SARM1: variants seen among roughly 807,000 people sequenced by gnomAD.
SARM1 encodes sterile alpha and TIR motif containing 1.
In SARM1, 60 loss-of-function variants were observed where a neutral mutation model predicts 65.1. The ratio of observed to expected loss-of-function variants is 0.92; its 90% CI spans 0.75 to 1.14. SARM1 has a LOEUF of 1.14. SARM1 is among the 50% of genes most tolerant of loss of function. The probability of loss-of-function intolerance (pLI) is 0.00; values close to 1 mark genes in which losing one functional copy is unlikely to be tolerated. For synonymous variants in SARM1, 417 were observed against 465.4 expected (o/e 0.90, Z 1.34); for missense variants, 913 against 1,015.7 (o/e 0.90, Z 1.37).
At chr17:28,377,140 T>C (rs1350179787) in intron 1 of SARM1, among the ~76,000 whole-genome samples, 2 of 152,230 alleles carry the variant, frequency 1.3e-5, no homozygotes, top group African/African-American at 4.8e-5. Context: ...TAGGCATTTA[T>C]GCAGTCAGAT....
intron 1 of SARM1, among the ~76,000 whole-genome samples, chr17:28,380,057 C>CTTTTT (rs61029083): frequency 3.8e-5 from 4 of 106,092 alleles, no homozygotes; most frequent in Admixed American, 1.1e-4. Flanking sequence ...TTTTTCTTTT[C>CTTTTT]TTTTTTTTTT....
chr17:28,389,158 T>A (rs185162141), intron 7 of SARM1, among the ~76,000 whole-genome samples: 8 of 152,282 alleles, frequency 5.3e-5, no homozygotes, highest in Admixed American at 6.5e-5. Context: ...AGCTCAAAAC[T>A]GAGAGTTTGA....
intron 1 of SARM1, among the ~76,000 whole-genome samples, chr17:28,377,036 C>T (rs1232692203): frequency 1.3e-5 from 2 of 152,148 alleles, no homozygotes; most frequent in Non-Finnish European, 2.9e-5. Context: ...GTGATCTGCC[C>T]ACCTCAGCCT....
chr17:28,388,577 G>A, intron 7 of SARM1, 38 bp downstream of exon 7: 1 of 1,594,174 alleles, frequency 6.3e-7, no homozygotes, highest in Non-Finnish European at 8.5e-7. Flanking sequence ...CCCAGCATTG[G>A]CCTGTGGTCC....
At chr17:28,395,722 CA>C (rs2068112850) in intron 7 of SARM1, 182 bp from the exon 8 acceptor site, 1 of 622,470 alleles carries the variant, frequency 1.6e-6, no homozygotes, top group Admixed American at 3.0e-5. Context: ...GAACTCTGGG[CA>C]AAGGAAAAAT....
At chr17:28,390,781 A>T (rs1211090528) in intron 7 of SARM1, among the ~76,000 whole-genome samples, 2 of 152,194 alleles carry the variant, frequency 1.3e-5, no homozygotes, top group African/African-American at 4.8e-5. Flanking sequence ...AATCTGGGTA[A>T]GTGGAATAGA....
chr17:28,391,411 T>C (rs1174067302), intron 7 of SARM1, among the ~76,000 whole-genome samples: 1 of 151,940 alleles, frequency 6.6e-6, no homozygotes, highest in Non-Finnish European at 1.5e-5. Context: ...GCCAGGGCGG[T>C]GGGTCTTAGG....
chr17:28,386,139 CA>C (rs1400001245), intron 5 of SARM1, among the ~76,000 whole-genome samples: 5 of 151,866 alleles, frequency 3.3e-5, no homozygotes, highest in Non-Finnish European at 7.4e-5. Context: ...ACTAAAAGCA[CA>C]AAAAAATACA....
chr17:28,379,865 A>G (rs2142427029), intron 1 of SARM1, among the ~76,000 whole-genome samples: 1 of 152,230 alleles, frequency 6.6e-6, no homozygotes, highest in African/African-American at 2.4e-5. Context: ...TATTGTTTTA[A>G]TTTTCATTTC....
Position 28,384,649 on chromosome 17 carries a change from C to A in SARM1, c.1302+80C>A. 1 of 1,399,114 alleles carries A rather than the reference C, an allele frequency of 7.1e-7. No individual in the cohort carries two copies. Among genetic ancestry groups the A allele is most frequent in the Non-Finnish European group, 9.7e-7 (1 of 1,033,508 alleles). The allele number at this position is 1,399,114 out of a possible 1,614,324, so 86.7% of individuals were successfully genotyped here. Reference sequence around the variant, plus strand: ...GGGACTGCGTTCCCTCCCCGCCTCGCAATCCCGCGGCGCCAGGGTCGCTTT... The same window carrying A: ...GGGACTGCGTTCCCTCCCCGCCTCGAAATCCCGCGGCGCCAGGGTCGCTTT... On this transcript the variant is annotated intron_variant, in intron 3 of 8. Transcript: ENST00000585482. This position sits in a 1 kb window ranked among gnomAD's most constrained non-coding sequence, Gnocchi z 4.4.
In SARM1 at chr17:28,402,203, T is replaced by G; in HGVS notation, c.*5917T>G. The G allele has an allele frequency of 2.5e-6, 4 of 1,589,592 alleles. No homozygotes were observed. The highest frequency in any genetic ancestry group is 3.4e-6 in the Non-Finnish European group (4 of 1,163,184). On this transcript the variant is annotated 3_prime_UTR_variant, in exon 9 of 9. Coordinates refer to ENST00000585482, the MANE Select transcript of SARM1 (RefSeq NM_015077.4). ...AGCCCGTTTCGGGCAGCACTGGACA[T>G]GAGGAACCAGACACAGGTGGGTTCT... is the stretch of plus-strand genomic sequence containing the variant.
At position 28,403,573 on chromosome 17, in the gene SARM1, C is replaced by T. The variant is rs1477899220; in HGVS notation, c.*7287C>T. 6.6e-6 allele frequency: 1 copy of T among 152,152 alleles called. No individual in the cohort carries two copies. 9.4% of individuals were successfully genotyped at this position (152,152 alleles called of 1,614,324 possible). A position where few individuals can be genotyped will look rare whatever the true frequency, so the allele number is the denominator to read the frequency against. ...GACAGCATCTTTATCATCTCTGCAT[C>T]CCCCAGGGCCATCAGCAGGAGGGAA... On this transcript the variant is annotated 3_prime_UTR_variant, in exon 9 of 9. Coordinates refer to ENST00000585482, the MANE Select transcript of SARM1 (RefSeq NM_015077.4).
At chr17:28,381,056 A>T in intron 1 of SARM1, 147 bp from the exon 2 acceptor site, 1 of 935,116 alleles carries the variant, frequency 1.1e-6, no homozygotes, top group Non-Finnish European at 1.5e-6. Flanking sequence ...AGGGGAGGAG[A>T]TGAGGGTGGG....
At position 28,400,638 on chromosome 17, in the gene SARM1, G is replaced by A. The variant is rs782811181; in HGVS notation, c.*4352G>A. The A allele has an allele frequency of 1.9e-6, 3 of 1,613,668 alleles. No individual in the cohort carries two copies. The highest frequency in any genetic ancestry group is 1.3e-5 in the African/African-American group (1 of 74,902). On this transcript the variant is annotated 3_prime_UTR_variant, in exon 9 of 9. Transcript: ENST00000585482. ...ATCAGAACAGCCGGGATGAGCAGGA[G>A]GCCAGCTCCCAGGAGGAAGGGGAAC...
At chr17:28,395,816 C>G in intron 7 of SARM1, 89 bp from the exon 8 acceptor site, 1 of 1,510,860 alleles carries the variant, frequency 6.6e-7, no homozygotes. Context: ...GGCCCAGCCT[C>G]GGGCCAGTGG....
intron 1 of SARM1, among the ~76,000 whole-genome samples, chr17:28,377,572 C>T (rs763540040): frequency 5.3e-5 from 8 of 152,242 alleles, no homozygotes; most frequent in African/African-American, 1.4e-4. Flanking sequence ...TGGCATGTTC[C>T]GGACTCAGGT....
Position 28,399,472 on chromosome 17 carries a change from CAG to C in SARM1, c.*3189_*3190del, listed in dbSNP as rs1555588983. 1.6e-6 allele frequency: 1 copy of C among 622,704 alleles called. No homozygotes were observed. The highest frequency in any genetic ancestry group is 1.8e-5 in the African/African-American group (1 of 54,334). 38.6% of individuals were successfully genotyped at this position (622,704 alleles called of 1,614,324 possible). On this transcript the variant is annotated 3_prime_UTR_variant, in exon 9 of 9. Transcript: ENST00000585482. Reference sequence around the variant, plus strand: ...GTGGGTTATGATTCTAGATCCTAGACAGAGGCTGGGTCAGCTGTGGATGGGGT... The same window carrying C: ...GTGGGTTATGATTCTAGATCCTAGACAGGCTGGGTCAGCTGTGGATGGGGT...
In SARM1 at chr17:28,381,438, C is replaced by T; in HGVS notation, c.706C>T (p.His236Tyr). The part of the protein sequence containing the change: ...CALALGNCAL[H>Y]GGQAVQRRMV... ...GCTGGCGCTGGGCAACTGCGCGCTG[C>T]ACGGGGGCCAGGCGGTGCAGCGACG... Residue 236 changes from histidine to tyrosine, a missense_variant, in exon 2 of 9, where the codon CAC (histidine) becomes TAC (tyrosine). Coordinates refer to ENST00000585482, the MANE Select transcript of SARM1 (RefSeq NM_015077.4). The T allele has an allele frequency of 1.9e-6, 3 of 1,546,066 alleles. No homozygotes were observed. The highest frequency in any genetic ancestry group is 2.7e-5 in the African/African-American group (2 of 72,994).
In SARM1 at chr17:28,399,955, A is replaced by T. The variant is rs2068176361; in HGVS notation, c.*3669A>T. On this transcript the variant is annotated 3_prime_UTR_variant, in exon 9 of 9. Transcript: ENST00000585482. ...GTTGTCCAGGCTGGAGGGCAGTGAC[A>T]TAATCATAGCTCACTGTACCCTTGA... is the stretch of plus-strand genomic sequence containing the variant. 1 of 509,870 alleles carries T rather than the reference A, an allele frequency of 2.0e-6. No homozygotes were observed. The highest frequency in any genetic ancestry group is 1.9e-5 in the African/African-American group (1 of 51,722). 31.6% of individuals were successfully genotyped at this position (509,870 alleles called of 1,614,324 possible).
Sources: allele counts gnomAD v4.1 joint callset (sites outside exome capture counted in the v4.1 genomes callset), GRCh38; gene constraint gnomAD v4.1.1; non-coding constraint Gnocchi (gnomAD v3.1); transcripts MANE v1.5; gene names NCBI Gene and HGNC (gene_info 2026-07-23, HGNC 2026-07-21).